MYO18A: variants seen among roughly 807,000 people sequenced by gnomAD.
MYO18A encodes myosin XVIIIA, also known as unconventional myosin-XVIIIa.
A neutral mutation model predicts 235.8 loss-of-function variants in MYO18A; 78 were observed. That is an observed-to-expected ratio of 0.33 (90% CI 0.28 to 0.40). The LOEUF is 0.40. MYO18A is among the 10% of genes least tolerant of loss of function. The probability of loss-of-function intolerance (pLI) is 1.00; values close to 1 mark genes in which losing one functional copy is unlikely to be tolerated. For synonymous variants in MYO18A, 977 were observed against 1,077.8 expected (o/e 0.91, Z 1.83); for missense variants, 2,215 against 2,699.3 (o/e 0.82, Z 3.98).
At chr17:29,090,224 A>G (rs754826498) in intron 36 of MYO18A, 126 bp from the exon 37 acceptor site, 31 of 1,122,260 alleles carry the variant, frequency 2.8e-5, no homozygotes, top group Non-Finnish European at 3.7e-5. Context: ...CCTGGGAGGA[A>G]AGAGAATGGA....
chr17:29,103,733 C>G, intron 20 of MYO18A, 69 bp from the exon 21 acceptor site: 1 of 1,489,368 alleles, frequency 6.7e-7, no homozygotes, highest in Non-Finnish European at 9.3e-7. Flanking sequence ...TTTCTCCAGG[C>G]CCTTGGCCCT....
intron 2 of MYO18A, among the ~76,000 whole-genome samples, chr17:29,135,887 T>C (rs981862582): frequency 4.6e-5 from 7 of 152,370 alleles, no homozygotes; most frequent in East Asian, 1.9e-4. Context: ...CCATTGTCCA[T>C]TGCCCAAGCA....
chr17:29,140,295 G>T lies in MYO18A; in HGVS notation c.1000-18042C>A. ...TTTCCTAAATGAGGAAATAGCATGA[G>T]GAGCCTGGGACATTTCCGGGGTGGG... On this transcript the variant is annotated intron_variant, in intron 2 of 41. Coordinates refer to ENST00000527372, the MANE Select transcript of MYO18A (RefSeq NM_078471.4). The surrounding 1 kb of genome is among the most constrained non-coding windows in gnomAD (Gnocchi z 4.2). 1.7e-6 allele frequency: 2 copies of T among 1,179,130 alleles called. No individual in the cohort carries two copies. Among genetic ancestry groups the T allele is most frequent in the Non-Finnish European group, 2.2e-6 (2 of 924,816 alleles). 73.0% of individuals were successfully genotyped at this position (1,179,130 alleles called of 1,614,324 possible).
chr17:29,123,412 T>G (rs1382642011), intron 2 of MYO18A, among the ~76,000 whole-genome samples: 2 of 152,186 alleles, frequency 1.3e-5, no homozygotes, highest in African/African-American at 2.4e-5. Flanking sequence ...GGCCCAGGCA[T>G]GGACACTGGC....
At chr17:29,136,348 T>A (rs926371728) in intron 2 of MYO18A, among the ~76,000 whole-genome samples, 2 of 150,120 alleles carry the variant, frequency 1.3e-5, no homozygotes, top group East Asian at 3.9e-4. Flanking sequence ...CAAGTTACTG[T>A]TATCCAAGAC....
intron 15 of MYO18A, among the ~76,000 whole-genome samples, chr17:29,112,413 A>T (rs2066953774): frequency 6.6e-6 from 1 of 152,196 alleles, no homozygotes; most frequent in Non-Finnish European, 1.5e-5. Context: ...AAGACAGGTG[A>T]CTTAACGGAC....
intron 2 of MYO18A, among the ~76,000 whole-genome samples, chr17:29,154,121 T>TGCGCGCGCGCGCGCGCGCGC (rs1555539119): frequency 6.7e-6 from 1 of 149,000 alleles, no homozygotes; most frequent in African/African-American, 2.5e-5. Flanking sequence ...TGTGTGTGTG[T>TGCGCGCGCGCGCGCGCGCGC]GCGCGCGCGT....
chr17:29,099,865 A>G, intron 21 of MYO18A, 103 bp from the exon 22 acceptor site: 1 of 1,474,002 alleles, frequency 6.8e-7, no homozygotes, highest in Non-Finnish European at 9.0e-7. Flanking sequence ...CAGGGAGTAC[A>G]GCCCTTGGCT....
Position 29,166,286 on chromosome 17 carries a change from G to T in MYO18A, c.655C>A (p.Arg219=). Residue 219 remains arginine, a synonymous_variant, in exon 2 of 42, where the codon CGG becomes AGG. Coordinates refer to ENST00000527372, the MANE Select transcript of MYO18A (RefSeq NM_078471.4). ...GGCCGTCGTTGCAGCTCCAGCTCCC[G>T]GAGGGTAGGTGGGGGCAGGGGCACC... is the stretch of plus-strand genomic sequence containing the variant. ...PVVPLPPPTL[R]ELELQRRPTG... is the part of the protein sequence containing the mutation. 1 of 1,612,842 alleles carries T rather than the reference G, an allele frequency of 6.2e-7. No homozygotes were observed. The highest frequency in any genetic ancestry group is 8.5e-7 in the Non-Finnish European group (1 of 1,179,884).
chr17:29,156,107 G>A (rs1481837958), intron 2 of MYO18A, among the ~76,000 whole-genome samples: 1 of 152,078 alleles, frequency 6.6e-6, no homozygotes, highest in Non-Finnish European at 1.5e-5. Context: ...GCTCCAGCTG[G>A]AATCCATTGC....
At chr17:29,132,021 G>A (rs2067485464) in intron 2 of MYO18A, among the ~76,000 whole-genome samples, 1 of 152,244 alleles carries the variant, frequency 6.6e-6, no homozygotes, top group South Asian at 2.1e-4. Context: ...TGGGGCAGAG[G>A]CGGAGATTCA....
chr17:29,100,918 G>T (rs1466113842), intron 21 of MYO18A, among the ~76,000 whole-genome samples: 4 of 152,262 alleles, frequency 2.6e-5, no homozygotes, highest in Non-Finnish European at 5.9e-5. Flanking sequence ...AGCCAGCTCA[G>T]TCCTTTGTGA....
chr17:29,094,132 G>C (rs2066465953), intron 30 of MYO18A, 42 bp from the exon 31 acceptor site: 1 of 1,457,578 alleles, frequency 6.9e-7, no homozygotes, highest in African/African-American at 1.4e-5. Flanking sequence ...CTCCCCAGCT[G>C]TGGCCACCCC....
intron 2 of MYO18A, chr17:29,128,922 C>T: frequency 4.2e-6 from 3 of 722,734 alleles, no homozygotes; most frequent in Non-Finnish European, 6.3e-6. Context: ...TAGGTGAGCC[C>T]ACTGCCTCGC....
chr17:29,140,481 C>T lies in MYO18A; in HGVS notation c.1000-18228G>A, dbSNP rs578060521. On this transcript the variant is annotated intron_variant, in intron 2 of 41. Transcript: ENST00000527372. This position sits in a 1 kb window ranked among gnomAD's most constrained non-coding sequence, Gnocchi z 4.2. ...CCCCGGCCCCTCCCGTCCCGAGCTGCCCAGCCCTAGTTGGAGCCAGCAGCC... is the reference window on the plus strand; with the variant it reads ...CCCCGGCCCCTCCCGTCCCGAGCTGTCCAGCCCTAGTTGGAGCCAGCAGCC... 8.6e-5 allele frequency: 101 copies of T among 1,171,606 alleles called. 2 individuals carry two copies. In the African/African-American group the frequency reaches 1.5e-3, roughly 18 times the overall value. 72.6% of individuals were successfully genotyped at this position (1,171,606 alleles called of 1,614,324 possible). A position where few individuals can be genotyped will look rare whatever the true frequency, so the allele number is the denominator to read the frequency against.
At chr17:29,115,985 C>T in intron 11 of MYO18A, 145 bp from the exon 12 acceptor site, 1 of 841,336 alleles carries the variant, frequency 1.2e-6, no homozygotes. Flanking sequence ...AGAACAGGGG[C>T]AGCCAGCAGT....
chr17:29,101,695 G>A (rs1414168340), intron 21 of MYO18A, among the ~76,000 whole-genome samples: 1 of 152,206 alleles, frequency 6.6e-6, no homozygotes, highest in Non-Finnish European at 1.5e-5. Flanking sequence ...CAGCAAACAC[G>A]CTTGGTTAGG....
At position 29,109,828 on chromosome 17, in the gene MYO18A, G is replaced by C. The variant is rs1369415461; in HGVS notation, c.3331+30C>G. 1 of 1,543,152 alleles carries C rather than the reference G, an allele frequency of 6.5e-7. No individual in the cohort carries two copies. Among genetic ancestry groups the C allele is most frequent in the Admixed American group, 2.0e-5 (1 of 50,892 alleles). On this transcript the variant is annotated intron_variant, in intron 19 of 41. Coordinates refer to ENST00000527372, the MANE Select transcript of MYO18A (RefSeq NM_078471.4). This position sits in a 1 kb window ranked among gnomAD's most constrained non-coding sequence, Gnocchi z 4.1. Reference sequence around the variant, plus strand: ...GGCAGGGCCAGCTCTGGAAAAGAGAGCCCAGAGTGGAGAGGAAAGGAGGCC... The same window carrying C: ...GGCAGGGCCAGCTCTGGAAAAGAGACCCCAGAGTGGAGAGGAAAGGAGGCC...
intron 1 of MYO18A, among the ~76,000 whole-genome samples, chr17:29,171,610 T>C (rs1242981449): frequency 6.6e-6 from 1 of 152,102 alleles, no homozygotes; most frequent in Non-Finnish European, 1.5e-5. Context: ...GACAGCTTGA[T>C]GAGGTTGGGC....
Sources: allele counts gnomAD v4.1 joint callset (sites outside exome capture counted in the v4.1 genomes callset), GRCh38; gene constraint gnomAD v4.1.1; non-coding constraint Gnocchi (gnomAD v3.1); transcripts MANE v1.5; gene names NCBI Gene and HGNC (gene_info 2026-07-23, HGNC 2026-07-21).